PDE4DIP: variants seen among roughly 807,000 people sequenced by gnomAD.
PDE4DIP encodes phosphodiesterase 4D interacting protein.
In PDE4DIP, 59 loss-of-function variants were observed where a neutral mutation model predicts 221.4. The ratio of observed to expected loss-of-function variants is 0.27; its 90% CI spans 0.22 to 0.33. The LOEUF is 0.33. Ranked by LOEUF, PDE4DIP falls within the 10% of genes least tolerant of loss-of-function variation. The pLI is 1.00. For synonymous variants in PDE4DIP, 404 were observed against 815.9 expected (o/e 0.50, Z 8.60); for missense variants, 1,036 against 2,154.2 (o/e 0.48, Z 10.28).
chr1:149,020,832 C>A, intron 36 of PDE4DIP, 197 bp from the exon 40 acceptor site: 3 of 563,688 alleles, frequency 5.3e-6, no homozygotes, highest in Non-Finnish European at 6.4e-6. Context: ...TACTTGACCT[C>A]CCTCAGCCTC....
At chr1:148,956,303 T>G (rs2055311875) in intron 5 of PDE4DIP, among the ~76,000 whole-genome samples, 1 of 151,994 alleles carries the variant, frequency 6.6e-6, no homozygotes, top group East Asian at 1.9e-4. Flanking sequence ...TGTTTAATCC[T>G]CCACTTACCA....
At chr1:148,955,730 C>T (rs1413672894) in intron 5 of PDE4DIP, among the ~76,000 whole-genome samples, 3 of 152,088 alleles carry the variant, frequency 2.0e-5, no homozygotes, top group Non-Finnish European at 4.4e-5. Flanking sequence ...TCTGAATGAA[C>T]ACATATAAAC....
At chr1:148,973,156 A>T (rs2059522038) in intron 16 of PDE4DIP, among the ~76,000 whole-genome samples, 1 of 139,128 alleles carries the variant, frequency 7.2e-6, no homozygotes, top group Non-Finnish European at 1.6e-5. Flanking sequence ...TTGCTACATG[A>T]ATGCCTTTTG....
At chr1:148,930,667 G>A (rs1330058784) in intron 2 of PDE4DIP, 1 of 150,386 alleles carries the variant, frequency 6.6e-6, no homozygotes, top group Non-Finnish European at 1.5e-5. Context: ...TCTCTACAAG[G>A]AGAACTATGA....
exon 21 of PDE4DIP, chr1:148,981,391 A>T: frequency 1.2e-6 from 2 of 1,614,030 alleles, no homozygotes; most frequent in East Asian, 4.5e-5. Context: ...CCTGGCCGCC[A>T]TTGGAGGTGG....
intron 41 of PDE4DIP, 60 bp from the exon 45 acceptor site, chr1:149,029,727 A>G: frequency 2.4e-6 from 2 of 820,396 alleles, no homozygotes; most frequent in Admixed American, 2.2e-5. Context: ...AAAGAGCCAC[A>G]AAGCACAGGG....
At chr1:148,951,724 TG>T (rs2053325042) in intron 5 of PDE4DIP, among the ~76,000 whole-genome samples, 1 of 152,312 alleles carries the variant, frequency 6.6e-6, no homozygotes, top group African/African-American at 2.4e-5. Flanking sequence ...ACATTGTATG[TG>T]CCGGACTCTT....
At position 148,955,551 on chromosome 1, in the gene PDE4DIP, A is replaced by G. The variant is rs1171755068; in HGVS notation, c.637-5103A>G. Among the ~76,000 whole-genome samples, 10 of 152,096 alleles carry G rather than the reference A, an allele frequency of 6.6e-5. No individual in the cohort carries two copies. The East Asian group carries it at 1.9e-3, about 29-fold the overall frequency. On this transcript the variant is annotated intron_variant, in intron 5 of 43. Transcript: ENST00000369354. The stretch of plus-strand genomic sequence containing the variant: ...TTTAACTAACGTAGCCCATGCAGAG[A>G]CAAAGATTTCTGACCATTCTCAGGC...
chr1:148,985,286 G>A (rs1490071789), intron 21 of PDE4DIP: 1 of 152,030 alleles, frequency 6.6e-6, no homozygotes, highest in African/African-American at 2.4e-5. Flanking sequence ...GTAATAAACA[G>A]AAGGAATGAG....
rs782590878 is a variant in PDE4DIP at position 149,031,985 on chromosome 1, A to G, written c.7041A>G (p.Ter2347TrpextTer17). The G allele has an allele frequency of 3.7e-6, 6 of 1,609,894 alleles. No homozygotes were observed. In the African/African-American group the frequency reaches 5.4e-5, roughly 14 times the overall value. The change falls in exon 44 of 44, where the codon TGA becomes TGG. Residue 2347 changes from the stop codon to tryptophan, a stop_lost. Coordinates refer to ENST00000369354, the Ensembl canonical transcript of PDE4DIP. Reference sequence around the variant, plus strand: ...CTCTGCCATGTACTCCAGCCTTGTGACCCTTGCCTTCCAGGAACCATGCAA... The same window carrying G: ...CTCTGCCATGTACTCCAGCCTTGTGGCCCTTGCCTTCCAGGAACCATGCAA...
chr1:148,892,376 A>T (rs1698900163), intron 1 of PDE4DIP, among the ~76,000 whole-genome samples: 2 of 121,142 alleles, frequency 1.7e-5, no homozygotes, highest in Non-Finnish European at 3.3e-5. Flanking sequence ...CTAGCGAAAG[A>T]TCTTTAGGAA....
chr1:149,032,206 C>T lies in PDE4DIP; in HGVS notation c.*221C>T, dbSNP rs1359048382. 62 of 799,592 alleles carry T rather than the reference C, an allele frequency of 7.8e-5. 1 individual carries two copies. Among genetic ancestry groups the T allele is most frequent in the East Asian group, 6.2e-4 (23 of 37,266 alleles). The allele number at this position is 799,592 out of a possible 1,614,324, so 49.5% of individuals were successfully genotyped here. On this transcript the variant is annotated 3_prime_UTR_variant, in exon 44 of 44. Transcript: ENST00000369354. ...AAGCCTTTCTGACGGCTATGGAATA[C>T]GATTAGCCAAGGTCCACTTGGCCCA...
At chr1:148,990,120 A>G (rs782133064) in intron 21 of PDE4DIP, 65 of 600,516 alleles carry the variant, frequency 1.1e-4, no homozygotes, top group Admixed American at 1.3e-4. Context: ...ATCACAGCAT[A>G]CTTACTACCT....
intron 1 of PDE4DIP, among the ~76,000 whole-genome samples, chr1:148,861,984 T>A (rs2148252995): frequency 9.1e-6 from 1 of 109,832 alleles, no homozygotes; most frequent in Non-Finnish European, 1.9e-5. Context: ...CACCACGTGC[T>A]CACTGCACCC....
chr1:149,009,467 A>G, intron 29 of PDE4DIP, 101 bp from the exon 33 acceptor site: 2 of 676,654 alleles, frequency 3.0e-6, no homozygotes, highest in South Asian at 1.7e-5. Flanking sequence ...ATCTGCAGGC[A>G]TGGTCCCCTT....
At chr1:149,005,155 G>A (rs587725926) in exon 27 of PDE4DIP, 87 of 1,613,876 alleles carry the variant, frequency 5.4e-5, no homozygotes, top group South Asian at 3.0e-4. Flanking sequence ...CTCAAGAGCC[G>A]GGTCCGGTCC....
At chr1:148,965,071 T>C (rs2151820860) in intron 9 of PDE4DIP, among the ~76,000 whole-genome samples, 1 of 152,038 alleles carries the variant, frequency 6.6e-6, no homozygotes, top group African/African-American at 2.4e-5. Context: ...GATTTAAAGA[T>C]TACTGACTTT....
chr1:148,949,747 T>C (rs1353416531), intron 5 of PDE4DIP, among the ~76,000 whole-genome samples: 6 of 152,198 alleles, frequency 3.9e-5, no homozygotes, highest in African/African-American at 7.2e-5. Flanking sequence ...CATCTTATTT[T>C]ATAATGCCAA....
intron 1 of PDE4DIP, among the ~76,000 whole-genome samples, chr1:148,918,767 G>C (rs587709763): frequency 7.5e-6 from 1 of 133,944 alleles, no homozygotes; most frequent in East Asian, 2.1e-4. Flanking sequence ...AACCAGGCTG[G>C]GAAAGGACTG....
Sources: gnomAD v4.1 joint callset for allele counts (sites outside exome capture counted in the v4.1 genomes callset) on GRCh38, gnomAD v4.1.1 for gene constraint, MANE v1.5 for transcripts, NCBI Gene and HGNC (gene_info 2026-07-23, HGNC 2026-07-21) for gene names.